Variants in SYT3 observed in about 807,000 individuals in gnomAD.
SYT3 encodes the protein synaptotagmin-3.
A neutral mutation model predicts 50.6 loss-of-function variants in SYT3; 25 were observed. The ratio of observed to expected loss-of-function variants is 0.49; its 90% CI spans 0.36 to 0.69. The LOEUF is 0.69. Among genes scored for constraint, SYT3 ranks in the 30% least tolerant of loss-of-function variants. SYT3 has a pLI of 0.00. For missense variants in SYT3, 589 were observed against 793.6 expected (o/e 0.74, Z 3.10); for synonymous variants, 323 against 353.9 (o/e 0.91, Z 0.98).
upstream of SYT3, among the ~76,000 whole-genome samples, chr19:50,643,293 G>C (rs1371314457): frequency 6.6e-6 from 1 of 151,980 alleles, no homozygotes; most frequent in African/African-American, 2.4e-5. Flanking sequence ...AGGATTGCTT[G>C]AGCCCCAGAA....
chr19:50,632,848 G>A lies in SYT3; in HGVS notation c.149-37C>T. ...GAGGACAGAGGTAGGGGTCAGGATGGGGTCACAGTACATCCTCCCTCTGCT... is the reference window on the plus strand; with the variant it reads ...GAGGACAGAGGTAGGGGTCAGGATGAGGTCACAGTACATCCTCCCTCTGCT... On this transcript the variant is annotated intron_variant, in intron 3 of 10. Coordinates refer to ENST00000600079, the MANE Select transcript of SYT3 (RefSeq NM_001160329.2). The surrounding 1 kb of genome is among the most constrained non-coding windows in gnomAD (Gnocchi z 4.7). The A allele has an allele frequency of 6.9e-7, 1 of 1,456,146 alleles. No individual in the cohort carries two copies. Among genetic ancestry groups the A allele is most frequent in the Non-Finnish European group, 9.1e-7 (1 of 1,102,744 alleles). 90.2% of individuals were successfully genotyped at this position (1,456,146 alleles called of 1,614,324 possible). A position where few individuals can be genotyped will look rare whatever the true frequency, so the allele number is the denominator to read the frequency against.
chr19:50,657,149 G>C, the SYT3 span, among the ~76,000 whole-genome samples: 1 of 152,078 alleles, frequency 6.6e-6, no homozygotes, highest in African/African-American at 2.4e-5. Flanking sequence ...GAGAAGAGCT[G>C]ATGTCAATAG....
chr19:50,626,181 T>A, intron 6 of SYT3, 164 bp from the exon 7 acceptor site: 1 of 1,066,720 alleles, frequency 9.4e-7, no homozygotes, highest in Non-Finnish European at 1.3e-6. Context: ...AGTAATTCCC[T>A]GGCCACAGCT....
At chr19:50,626,286 A>T (rs1984059456) in intron 6 of SYT3, among the ~76,000 whole-genome samples, 1 of 152,062 alleles carries the variant, frequency 6.6e-6, no homozygotes, top group Non-Finnish European at 1.5e-5. Flanking sequence ...AGAGAAGGTG[A>T]GAGAGAGAGA....
the SYT3 span, among the ~76,000 whole-genome samples, chr19:50,653,952 C>T: frequency 5.3e-5 from 8 of 151,802 alleles, no homozygotes; most frequent in Non-Finnish European, 8.8e-5. Flanking sequence ...AAGCAGCCGT[C>T]GGCTCTGAGC....
At chr19:50,629,684 C>T (rs1254100205) in intron 5 of SYT3, 100 bp downstream of exon 5, 7 of 1,067,616 alleles carry the variant, frequency 6.6e-6, no homozygotes, top group Non-Finnish European at 5.4e-6. Context: ...CCCTCAGACC[C>T]GGGAGTCCAG....
chr19:50,646,830 T>C, the SYT3 span, among the ~76,000 whole-genome samples: 1 of 151,856 alleles, frequency 6.6e-6, no homozygotes, highest in African/African-American at 2.4e-5. Flanking sequence ...TATTTATTTA[T>C]TTATTTATTA....
At chr19:50,643,272 G>A (rs1364665157), upstream of SYT3, among the ~76,000 whole-genome samples, 1 of 152,038 alleles carries the variant, frequency 6.6e-6, no homozygotes, top group Non-Finnish European at 1.5e-5. Flanking sequence ...TTGGGGGGAG[G>A]CTGAGGTGGG....
At position 50,630,106 on chromosome 19, in the gene SYT3, T is replaced by G; in HGVS notation, c.740A>C (p.Glu247Ala). ...TLTSQPDPSS[E>A]ERPPALPLPL... is the part of the protein sequence containing the mutation. ...TAAGGGCAGGGCAGGTGGCCGCTCC[T>G]CACTGCTGGGGTCCGGCTGGGAGGT... The change falls in exon 5 of 11, where the codon GAG becomes GCG. Residue 247 changes from glutamate to alanine, a missense_variant. Glu to Ala is a moderately radical substitution (Grantham distance 107). Transcript: ENST00000600079. The G allele has an allele frequency of 1.2e-6, 2 of 1,608,802 alleles. No individual in the cohort carries two copies. The highest frequency in any genetic ancestry group is 1.7e-6 in the Non-Finnish European group (2 of 1,177,050).
chr19:50,649,075 G>A, the SYT3 span, among the ~76,000 whole-genome samples: 4 of 146,660 alleles, frequency 2.7e-5, no homozygotes, highest in Admixed American at 2.8e-4. Context: ...GGAGGGCAGA[G>A]AAATCAAGCA....
chr19:50,638,151 G>C (rs981875283), intron 2 of SYT3: 1 of 152,326 alleles, frequency 6.6e-6, no homozygotes, highest in African/African-American at 2.4e-5. Flanking sequence ...GAACTCAGAG[G>C]GGGGCGGTCA....
intron 9 of SYT3, among the ~76,000 whole-genome samples, chr19:50,623,412 T>C (rs1485900792): frequency 6.6e-6 from 1 of 152,020 alleles, no homozygotes; most frequent in Non-Finnish European, 1.5e-5. Flanking sequence ...AATCTGGTGA[T>C]GTGGTGAAAG....
chr19:50,631,697 G>T (rs1003010854), intron 4 of SYT3, among the ~76,000 whole-genome samples: 1 of 151,838 alleles, frequency 6.6e-6, no homozygotes, highest in African/African-American at 2.4e-5. Context: ...CCTCCAGGAA[G>T]CTCCCAGCCT....
At chr19:50,643,658 T>C (rs548728623), upstream of SYT3, among the ~76,000 whole-genome samples, 1 of 152,006 alleles carries the variant, frequency 6.6e-6, no homozygotes, top group African/African-American at 2.4e-5. Flanking sequence ...TCAACTCGAT[T>C]CATGCAGTCA....
upstream of SYT3, among the ~76,000 whole-genome samples, chr19:50,641,324 C>T (rs113703686): frequency 0.079 from 11,856 of 150,822 alleles, 648 homozygotes; most frequent in Admixed American, 0.17. Flanking sequence ...GGACTACAGG[C>T]GCCTGCCACC....
chr19:50,631,056 T>C (rs1231031618), intron 4 of SYT3, among the ~76,000 whole-genome samples: 1 of 152,100 alleles, frequency 6.6e-6, no homozygotes, highest in African/African-American at 2.4e-5. Flanking sequence ...CCATGGCTCC[T>C]CAGTGCCCTC....
At position 50,637,307 on chromosome 19, in the gene SYT3, C is replaced by G. The variant is rs1170440958; in HGVS notation, c.105G>C (p.Glu35Asp). 1.9e-6 allele frequency: 3 copies of G among 1,613,556 alleles called. No individual in the cohort carries two copies. The highest frequency in any genetic ancestry group is 8.5e-7 in the Non-Finnish European group (1 of 1,179,938). ...GATAGCCTCGGATTCGGTCATTGAACTCCTGGCACCTGTCGTTGGTGTCAG... is the reference window on the plus strand; with the variant it reads ...GATAGCCTCGGATTCGGTCATTGAAGTCCTGGCACCTGTCGTTGGTGTCAG... The part of the protein sequence containing the change: ...RDADTNDRCQ[E>D]FNDRIRGYPR... The change falls in exon 3 of 11, where the codon GAG (glutamate) becomes GAC (aspartate). Residue 35 changes from glutamate to aspartate, a missense_variant. Transcript: ENST00000600079. The surrounding 1 kb of genome is among the most constrained non-coding windows in gnomAD (Gnocchi z 4.9).
intron 4 of SYT3, 137 bp from the exon 5 acceptor site, chr19:50,630,308 T>A: frequency 1.2e-6 from 1 of 852,850 alleles, no homozygotes; most frequent in Non-Finnish European, 1.7e-6. Context: ...CTTTGCTCAC[T>A]GTGTGAGCTT....
At position 50,630,150 on chromosome 19, in the gene SYT3, G is replaced by C; in HGVS notation, c.696C>G (p.Pro232=). ...PTTRYPALPR[P]LTQQTLTSQP... ...GGGAGGTCAGAGTCTGCTGGGTGAGGGGTCGGGGCAGGGCTGGGTACCTGT... is the reference window on the plus strand; with the variant it reads ...GGGAGGTCAGAGTCTGCTGGGTGAGCGGTCGGGGCAGGGCTGGGTACCTGT... The change falls in exon 5 of 11, where the codon CCC becomes CCG. Residue 232 remains proline (P), a synonymous_variant. Transcript: ENST00000600079. The C allele has an allele frequency of 6.3e-7, 1 of 1,581,130 alleles. No individual in the cohort carries two copies. Among genetic ancestry groups the C allele is most frequent in the Non-Finnish European group, 8.6e-7 (1 of 1,163,522 alleles).
Sources: allele counts gnomAD v4.1 joint callset (sites outside exome capture counted in the v4.1 genomes callset), GRCh38; gene constraint gnomAD v4.1.1; non-coding constraint Gnocchi (gnomAD v3.1); transcripts MANE v1.5; gene names NCBI Gene and HGNC (gene_info 2026-07-23, HGNC 2026-07-21).